RBKS: variants seen among roughly 807,000 people sequenced by gnomAD.
RBKS encodes the protein ribokinase.
Under a neutral mutation model 33.9 loss-of-function variants are expected in RBKS, and 33 were observed. The observed-to-expected ratio is 0.97, with a 90% confidence interval of 0.74 to 1.30. The LOEUF is 1.30. RBKS is among the 50% of genes most tolerant of loss of function. The probability of loss-of-function intolerance (pLI) is 0.00; values close to 1 mark genes in which losing one functional copy is unlikely to be tolerated. For missense variants in RBKS, 361 were observed against 392.6 expected (o/e 0.92, Z 0.68); for synonymous variants, 125 against 143.0 (o/e 0.87, Z 0.90).
At chr2:27,884,714 A>C (rs888146592) in intron 1 of RBKS, among the ~76,000 whole-genome samples, 5 of 152,190 alleles carry the variant, frequency 3.3e-5, no homozygotes, top group Admixed American at 1.3e-4. Flanking sequence ...CACGAGTCTT[A>C]TCTCTCAAGC....
chr2:27,820,114 T>A (rs137966378), intron 7 of RBKS, among the ~76,000 whole-genome samples: 16 of 152,324 alleles, frequency 1.1e-4, no homozygotes, highest in East Asian at 3.9e-4. Context: ...ACCGATCTTA[T>A]TTGCTAGATG....
At chr2:27,786,149 T>A (rs1448614679) in intron 7 of RBKS, among the ~76,000 whole-genome samples, 2 of 152,236 alleles carry the variant, frequency 1.3e-5, no homozygotes, top group African/African-American at 2.4e-5. Context: ...ATATGTGTAT[T>A]TTTTTAAAGA....
intron 2 of RBKS, among the ~76,000 whole-genome samples, chr2:27,857,692 T>C (rs1663886488): frequency 1.3e-5 from 2 of 152,130 alleles, no homozygotes; most frequent in Non-Finnish European, 1.5e-5. Flanking sequence ...CCCATTGGAG[T>C]ACGCTAATTT....
intron 2 of RBKS, among the ~76,000 whole-genome samples, chr2:27,855,928 G>T (rs891614462): frequency 2.0e-5 from 3 of 151,938 alleles, no homozygotes; most frequent in Non-Finnish European, 4.4e-5. Context: ...TTTTTCTTTT[G>T]CTCCTTCTGT....
chr2:27,857,372 A>C (rs1337197517), intron 2 of RBKS, among the ~76,000 whole-genome samples: 1 of 152,240 alleles, frequency 6.6e-6, no homozygotes, highest in Non-Finnish European at 1.5e-5. Context: ...GAAAAATGAA[A>C]AGTGAAAACT....
At position 27,810,604 on chromosome 2, in the gene RBKS, A is replaced by G. The variant is rs1317613603; in HGVS notation, c.795+16963T>C. The stretch of plus-strand genomic sequence containing the variant: ...GAGTCGGAGTAAAAAATATGCTGAA[A>G]ACCACTCAGACTGACAGAATGATCT... On this transcript the variant is annotated intron_variant, in intron 7 of 7. Coordinates refer to ENST00000302188, the MANE Select transcript of RBKS (RefSeq NM_022128.3). The surrounding 1 kb of genome is among the most constrained non-coding windows in gnomAD (Gnocchi z 4.4). 2.0e-5 allele frequency among the ~76,000 whole-genome samples: 3 copies of G among 152,220 alleles called. No homozygotes were observed. The highest frequency in any genetic ancestry group is 4.4e-5 in the Non-Finnish European group (3 of 68,038).
rs530773010 is a variant in RBKS, at chr2:27,810,767, C to G, written c.795+16800G>C. Among the ~76,000 whole-genome samples, 2 of 152,274 alleles carry G rather than the reference C, an allele frequency of 1.3e-5. No homozygotes were observed. Among genetic ancestry groups the G allele is most frequent in the South Asian group, 2.1e-4 (1 of 4,822 alleles). On this transcript the variant is annotated intron_variant, in intron 7 of 7. Transcript: ENST00000302188. The surrounding 1 kb of genome is among the most constrained non-coding windows in gnomAD (Gnocchi z 4.4). The stretch of plus-strand genomic sequence containing the variant: ...CTTCTCAGCATCCCCATTTCCACTT[C>G]CCTAGTCCAGGCTGCCACCATCTCT...
At chr2:27,801,066 C>G (rs1014840973) in intron 7 of RBKS, among the ~76,000 whole-genome samples, 1 of 152,158 alleles carries the variant, frequency 6.6e-6, no homozygotes, top group African/African-American at 2.4e-5. Flanking sequence ...ATGGAGCATT[C>G]CACTGTCTAC....
chr2:27,785,493 G>A (rs989920906), intron 7 of RBKS, among the ~76,000 whole-genome samples: 1 of 151,986 alleles, frequency 6.6e-6, no homozygotes, highest in Non-Finnish European at 1.5e-5. Flanking sequence ...GGATGGGTGC[G>A]ATGGCTCATG....
chr2:27,789,941 G>GTATATGTGTATATATATATATA (rs1677483545), intron 7 of RBKS, among the ~76,000 whole-genome samples: 28 of 96,528 alleles, frequency 2.9e-4, no homozygotes, highest in Admixed American at 6.3e-4. Context: ...ATATATATAT[G>GTATATGTGTATATATATATATA]TATATGTGTA....
rs1166830702 is a variant in RBKS, at chr2:27,832,716, G to T, written c.576C>A (p.Leu192=). The change falls in exon 6 of 8, where the codon CTC becomes CTA. Residue 192 remains leucine, a synonymous_variant. Transcript: ENST00000302188. ...TTTCATTGCAGCAGAACACATCTGAGAGGGTGTAGAACTGGGGATCCAGGT... is the reference window on the plus strand; with the variant it reads ...TTTCATTGCAGCAGAACACATCTGATAGGGTGTAGAACTGGGGATCCAGGT... ...IADLDPQFYT[L]SDVFCCNESE... is the part of the protein sequence containing the mutation. 1 of 1,613,438 alleles carries T rather than the reference G, an allele frequency of 6.2e-7. No homozygotes were observed. Among genetic ancestry groups the T allele is most frequent in the African/African-American group, 1.3e-5 (1 of 75,034 alleles).
intron 1 of RBKS, among the ~76,000 whole-genome samples, chr2:27,869,091 G>A (rs1664154864): frequency 6.6e-6 from 1 of 152,160 alleles, no homozygotes; most frequent in African/African-American, 2.4e-5. Context: ...AGTAGAAGAT[G>A]GCAGGGCCAG....
rs553833629 is a variant in RBKS at position 27,825,345 on chromosome 2, C to T, written c.795+2222G>A. Among the ~76,000 whole-genome samples, 26 of 152,278 alleles carry T rather than the reference C, an allele frequency of 1.7e-4. 1 individual carries two copies. Among genetic ancestry groups the T allele is most frequent in the East Asian group, 5.8e-4 (3 of 5,186 alleles). ...TATGCATTTATAGCATTTATAGCCA[C>T]GTCATGTACAAAGATTATATTCACT... On this transcript the variant is annotated intron_variant, in intron 7 of 7. Transcript: ENST00000302188.
intron 2 of RBKS, among the ~76,000 whole-genome samples, chr2:27,855,175 G>A (rs910037236): frequency 2.6e-5 from 4 of 151,954 alleles, no homozygotes; most frequent in Non-Finnish European, 5.9e-5. Context: ...TATCACCTCT[G>A]TCACAAAACT....
At chr2:27,796,602 G>A (rs190843422) in intron 7 of RBKS, among the ~76,000 whole-genome samples, 2 of 152,230 alleles carry the variant, frequency 1.3e-5, no homozygotes, top group East Asian at 1.9e-4. Context: ...TCAGGGAAGC[G>A]CAAGGACAGG....
rs1198004452 is a variant in RBKS at position 27,837,756 on chromosome 2, A to AT, written c.515-4980dup. Among the ~76,000 whole-genome samples, 1 of 152,234 alleles carries AT rather than the reference A, an allele frequency of 6.6e-6. No homozygotes were observed. The highest frequency in any genetic ancestry group is 1.5e-5 in the Non-Finnish European group (1 of 68,050). On this transcript the variant is annotated intron_variant, in intron 5 of 7. Transcript: ENST00000302188. The surrounding 1 kb of genome is among the most constrained non-coding windows in gnomAD (Gnocchi z 4.0). The stretch of plus-strand genomic sequence containing the variant: ...AACCAAATACCACATGTATTCACTT[A>AT]TAAGTGGGGGCTAAATATTGAGTAC...
At chr2:27,887,745 TTA>T (rs1664568432) in intron 1 of RBKS, among the ~76,000 whole-genome samples, 3 of 151,258 alleles carry the variant, frequency 2.0e-5, no homozygotes, top group Admixed American at 1.3e-4. Context: ...AGTAAAATTT[TTA>T]CTAGTGATTT....
Position 27,883,200 on chromosome 2 carries a change from C to A in RBKS, c.89+7057G>T, listed in dbSNP as rs184673375. Reference sequence around the variant, plus strand: ...ACCATGTTTTCCTAACTGCAGTATTCTTTTTTTTTTTTTTTTTGAGACGGA... The same window carrying A: ...ACCATGTTTTCCTAACTGCAGTATTATTTTTTTTTTTTTTTTTGAGACGGA... On this transcript the variant is annotated intron_variant, in intron 1 of 7. Coordinates refer to ENST00000302188, the MANE Select transcript of RBKS (RefSeq NM_022128.3). Among the ~76,000 whole-genome samples, 40 of 140,424 alleles carry A rather than the reference C, an allele frequency of 2.8e-4. No individual in the cohort carries two copies. The Admixed American group carries it at 2.9e-3, about 10-fold the overall frequency. 92.1% of individuals were successfully genotyped at this position (140,424 alleles called of 152,430 possible).
Position 27,832,779 on chromosome 2 carries a change from T to C in RBKS, c.515-2A>G. 1.9e-6 allele frequency: 3 copies of C among 1,588,364 alleles called. No individual in the cohort carries two copies. The South Asian group carries it at 3.3e-5, about 18-fold the overall frequency. ...GGGCTGGATTGAACAAGGTTTTCAC[T>C]ACAAAGGAATGGAAAAGGGGGTTAT... On this transcript the variant is annotated splice_acceptor_variant, in intron 5 of 7. Coordinates refer to ENST00000302188, the MANE Select transcript of RBKS (RefSeq NM_022128.3). LOFTEE classifies it high-confidence loss of function.
Sources: gnomAD v4.1 joint callset for allele counts (sites outside exome capture counted in the v4.1 genomes callset) on GRCh38, gnomAD v4.1.1 for gene constraint, Gnocchi (gnomAD v3.1) non-coding constraint, MANE v1.5 for transcripts, NCBI Gene and HGNC (gene_info 2026-07-23, HGNC 2026-07-21) for gene names.